The following EPHA6 variants were observed in gnomAD, a reference collection of about 807,000 sequenced individuals.
EPHA6 encodes the protein EPH receptor A6, also known as ephrin type-A receptor 6.
EPHA6 carries 50 observed loss-of-function variants against 112.0 expected under a neutral mutation model. The observed-to-expected ratio is 0.45, with a 90% CI of 0.36 to 0.56. EPHA6 has a LOEUF of 0.56. EPHA6 is among the 20% of genes least tolerant of loss of function. EPHA6 has a pLI of 0.00. For synonymous variants in EPHA6, 529 were observed against 490.7 expected (o/e 1.08, Z -1.03); for missense variants, 1,280 against 1,417.4 (o/e 0.90, Z 1.56).
chr3:97,668,230 G>GT (rs1292940700), intron 14 of EPHA6, among the ~76,000 whole-genome samples: 1 of 152,108 alleles, frequency 6.6e-6, no homozygotes, highest in African/African-American at 2.4e-5. Context: ...ATGTCAACAT[G>GT]TATTAAATGA....
chr3:97,667,892 C>T (rs550293123), intron 14 of EPHA6, among the ~76,000 whole-genome samples: 4 of 152,238 alleles, frequency 2.6e-5, no homozygotes, highest in South Asian at 4.2e-4. Context: ...TGTGTTGACT[C>T]GCTCGTAACT....
chr3:97,231,379 C>T (rs1055379948), intron 4 of EPHA6, among the ~76,000 whole-genome samples: 1 of 152,106 alleles, frequency 6.6e-6, no homozygotes, highest in African/African-American at 2.4e-5. Flanking sequence ...TTTCTCAGAG[C>T]GAATCTTGGT....
chr3:97,738,062 C>T (rs1387305231), intron 16 of EPHA6, among the ~76,000 whole-genome samples: 1 of 151,998 alleles, frequency 6.6e-6, no homozygotes, highest in Non-Finnish European at 1.5e-5. Flanking sequence ...GCATACACAA[C>T]CTTTGGTACA....
chr3:97,615,369 T>C (rs2093756935), intron 13 of EPHA6, among the ~76,000 whole-genome samples: 1 of 152,130 alleles, frequency 6.6e-6, no homozygotes, highest in African/African-American at 2.4e-5. Flanking sequence ...ACGTGGGCTC[T>C]GGGGTCCCCG....
chr3:96,950,448 C>G (rs1393197203), intron 2 of EPHA6, among the ~76,000 whole-genome samples: 1 of 152,144 alleles, frequency 6.6e-6, no homozygotes, highest in Non-Finnish European at 1.5e-5. Flanking sequence ...TTGCATTTCT[C>G]TCTCTCATGA....
intron 3 of EPHA6, among the ~76,000 whole-genome samples, chr3:97,130,564 C>T (rs901620193): frequency 6.6e-6 from 1 of 152,072 alleles, no homozygotes; most frequent in Non-Finnish European, 1.5e-5. Flanking sequence ...ATATCCATTT[C>T]CTTAAACAGA....
chr3:97,508,891 A>G (rs538988097), intron 10 of EPHA6, among the ~76,000 whole-genome samples: 2 of 145,612 alleles, frequency 1.4e-5, no homozygotes, highest in East Asian at 4.2e-4. Flanking sequence ...TATTGCATTG[A>G]TCCCTTTATC....
At chr3:97,532,302 T>C in intron 10 of EPHA6, 56 bp from the exon 11 acceptor site, 1 of 1,488,002 alleles carries the variant, frequency 6.7e-7, no homozygotes, top group Non-Finnish European at 9.1e-7. Flanking sequence ...AGTTTGACTC[T>C]TCTGAAATGT....
intron 13 of EPHA6, among the ~76,000 whole-genome samples, chr3:97,630,233 G>A: frequency 6.6e-6 from 1 of 151,754 alleles, no homozygotes; most frequent in East Asian, 1.9e-4. Flanking sequence ...ACTGTGCCTA[G>A]CTTAAGTTCA....
At chr3:96,898,462 G>C (rs1408357748) in intron 2 of EPHA6, among the ~76,000 whole-genome samples, 1 of 152,080 alleles carries the variant, frequency 6.6e-6, no homozygotes, top group Non-Finnish European at 1.5e-5. Context: ...GCTACCACTT[G>C]TCTGACCTGG....
At chr3:97,225,276 G>T (rs1421946600) in intron 3 of EPHA6, among the ~76,000 whole-genome samples, 1 of 152,126 alleles carries the variant, frequency 6.6e-6, no homozygotes, top group Non-Finnish European at 1.5e-5. Flanking sequence ...ATTATTAACA[G>T]ACCTATCCTG....
chr3:96,898,521 G>A (rs534577913), intron 2 of EPHA6, among the ~76,000 whole-genome samples: 51 of 152,134 alleles, frequency 3.4e-4, no homozygotes, highest in Middle Eastern at 3.4e-3. Flanking sequence ...TATTCTCAGT[G>A]CTTACCCATT....
intron 11 of EPHA6, among the ~76,000 whole-genome samples, chr3:97,582,821 A>G (rs931426070): frequency 1.3e-5 from 2 of 152,142 alleles, no homozygotes; most frequent in African/African-American, 4.8e-5. Flanking sequence ...TAAATGAAAA[A>G]TGTTTGATAT....
chr3:97,632,483 A>G (rs1164271566), intron 13 of EPHA6, among the ~76,000 whole-genome samples: 1 of 151,978 alleles, frequency 6.6e-6, no homozygotes, highest in Non-Finnish European at 1.5e-5. Flanking sequence ...ATTGCTCTCA[A>G]ATCACCCTTT....
intron 5 of EPHA6, among the ~76,000 whole-genome samples, chr3:97,294,184 C>T (rs951407947): frequency 6.6e-6 from 1 of 152,192 alleles, no homozygotes; most frequent in African/African-American, 2.4e-5. Flanking sequence ...CGCAGGGCTC[C>T]TGCTGTGCCA....
intron 13 of EPHA6, among the ~76,000 whole-genome samples, chr3:97,615,663 G>A (rs2093759506): frequency 6.6e-6 from 1 of 152,130 alleles, no homozygotes; most frequent in Non-Finnish European, 1.5e-5. Context: ...AGTCCAAATT[G>A]ACCAGGGATA....
intron 3 of EPHA6, among the ~76,000 whole-genome samples, chr3:97,175,707 T>C (rs2076817691): frequency 6.6e-6 from 1 of 151,950 alleles, no homozygotes. Flanking sequence ...TGTTGGCAGA[T>C]AAGAATGCTA....
At chr3:97,361,974 T>C (rs1321044398) in intron 5 of EPHA6, among the ~76,000 whole-genome samples, 3 of 152,198 alleles carry the variant, frequency 2.0e-5, no homozygotes, top group Admixed American at 6.5e-5. Context: ...AAAACCTGTT[T>C]TTATTCATTC....
intron 5 of EPHA6, among the ~76,000 whole-genome samples, chr3:97,352,890 C>T (rs1012342788): frequency 6.6e-6 from 1 of 152,058 alleles, no homozygotes; most frequent in African/African-American, 2.4e-5. Flanking sequence ...CTTCCTTCAG[C>T]TTGAGGAGAG....
Sources: allele counts gnomAD v4.1 joint callset (sites outside exome capture counted in the v4.1 genomes callset), GRCh38; gene constraint gnomAD v4.1.1; transcripts MANE v1.5; gene names NCBI Gene and HGNC (gene_info 2026-07-23, HGNC 2026-07-21).